Variants in CSTA observed in about 807,000 individuals in gnomAD.
The protein encoded by CSTA is cystatin-A.
Under a neutral mutation model 9.2 loss-of-function variants are expected in CSTA, and 9 were observed. That is an observed-to-expected ratio of 0.97 (90% CI 0.59 to 1.70). CSTA has a LOEUF of 1.70. Ranked by LOEUF, CSTA falls within the 40% of genes most tolerant of loss-of-function variation. The pLI is 0.00. For missense variants in CSTA, 118 were observed against 113.1 expected (o/e 1.04, Z -0.20); for synonymous variants, 36 against 40.6 (o/e 0.89, Z 0.43).
rs2075267104 is a variant in CSTA, at chr3:122,341,743, T to C, written c.*176T>C. On this transcript the variant is annotated 3_prime_UTR_variant, in exon 3 of 3. Coordinates refer to ENST00000264474, the MANE Select transcript of CSTA (RefSeq NM_005213.4). ...TTTTCTTTCTCAAAATCAGTGTTAT[T>C]GCTTTAGAGTATAAACTCCATATAA... 6 of 754,018 alleles carry C rather than the reference T, an allele frequency of 8.0e-6. No individual in the cohort carries two copies. Among genetic ancestry groups the C allele is most frequent in the South Asian group, 3.6e-5 (2 of 54,836 alleles). The allele number at this position is 754,018 out of a possible 1,614,324, so 46.7% of individuals were successfully genotyped here.
intron 1 of CSTA, among the ~76,000 whole-genome samples, chr3:122,337,246 T>C (rs1179725940): frequency 6.6e-6 from 1 of 152,198 alleles, no homozygotes; most frequent in Non-Finnish European, 1.5e-5. Context: ...TAATTATTGC[T>C]CCACTGATTT....
At chr3:122,339,288 A>G (rs746750355) in intron 2 of CSTA, among the ~76,000 whole-genome samples, 5 of 152,212 alleles carry the variant, frequency 3.3e-5, no homozygotes, top group Non-Finnish European at 5.9e-5. Context: ...GTTGTGAGGA[A>G]TAAATAAGCT....
At position 122,325,254 on chromosome 3, in the gene CSTA, G is replaced by C; in HGVS notation, c.-39G>C. The stretch of plus-strand genomic sequence containing the variant: ...TCTCCACACTTCCCTGTTCACTTTG[G>C]TTCCAGCATCCTGTCCAGCAAAGAA... On this transcript the variant is annotated 5_prime_UTR_variant, in exon 1 of 3. Coordinates refer to ENST00000264474, the MANE Select transcript of CSTA (RefSeq NM_005213.4). 6.2e-7 allele frequency: 1 copy of C among 1,604,898 alleles called. No homozygotes were observed. Among genetic ancestry groups the C allele is most frequent in the Non-Finnish European group, 8.5e-7 (1 of 1,172,062 alleles).
rs149431851 is a variant in CSTA, at chr3:122,336,205, A to T, written c.67-1342A>T. Among the ~76,000 whole-genome samples, 173 of 152,320 alleles carry T rather than the reference A, an allele frequency of 1.1e-3. 1 individual carries two copies. Among genetic ancestry groups the T allele is most frequent in the African/African-American group, 3.9e-3 (164 of 41,564 alleles). ...TCTTGGGTCTTAAATACCGTTCTCC[A>T]ATAAAAGGAGCAGGGACTCCTTGGA... is the stretch of plus-strand genomic sequence containing the variant. On this transcript the variant is annotated intron_variant, in intron 1 of 2. Transcript: ENST00000264474.
intron 1 of CSTA, among the ~76,000 whole-genome samples, chr3:122,329,977 T>C (rs997516211): frequency 1.3e-5 from 2 of 152,128 alleles, no homozygotes; most frequent in African/African-American, 4.8e-5. Context: ...TGTTAGAAGG[T>C]AGAGGAAGAG....
At chr3:122,330,748 T>C (rs1003109109) in intron 1 of CSTA, among the ~76,000 whole-genome samples, 22 of 152,118 alleles carry the variant, frequency 1.4e-4, no homozygotes, top group African/African-American at 4.6e-4. Flanking sequence ...CAGAAAACAT[T>C]GATTAGGTAG....
intron 1 of CSTA, among the ~76,000 whole-genome samples, chr3:122,333,118 CT>C (rs1355070671): frequency 6.6e-6 from 1 of 152,216 alleles, no homozygotes; most frequent in African/African-American, 2.4e-5. Context: ...CAAACCAGAT[CT>C]TTTAAATCCC....
chr3:122,339,260 T>C (rs1216230372), intron 2 of CSTA, among the ~76,000 whole-genome samples: 2 of 152,224 alleles, frequency 1.3e-5, no homozygotes, highest in Non-Finnish European at 2.9e-5. Context: ...ATGAGGGTAA[T>C]AATCTACTTC....
intron 2 of CSTA, 173 bp downstream of exon 2, chr3:122,337,821 A>T: frequency 3.1e-6 from 2 of 642,858 alleles, no homozygotes; most frequent in Non-Finnish European, 5.7e-6. Flanking sequence ...ATGTGACACC[A>T]TTTTTTTTCT....
chr3:122,341,689 C>T lies in CSTA; in HGVS notation c.*122C>T. The T allele has an allele frequency of 7.8e-7, 1 of 1,283,956 alleles. No homozygotes were observed. 79.5% of individuals were successfully genotyped at this position (1,283,956 alleles called of 1,614,324 possible). On this transcript the variant is annotated 3_prime_UTR_variant, in exon 3 of 3. Coordinates refer to ENST00000264474, the MANE Select transcript of CSTA (RefSeq NM_005213.4). ...AAAGAAATTATTTCTTCAATTATTT[C>T]TCATTTATTGTATTAAGCAGAAATT...
chr3:122,333,996 T>G (rs2075222853), intron 1 of CSTA, among the ~76,000 whole-genome samples: 1 of 152,234 alleles, frequency 6.6e-6, no homozygotes, highest in Non-Finnish European at 1.5e-5. Flanking sequence ...GCTCCTAACT[T>G]GACTGGTGCC....
chr3:122,331,579 T>C (rs777911335), intron 1 of CSTA, among the ~76,000 whole-genome samples: 7 of 152,116 alleles, frequency 4.6e-5, no homozygotes, highest in Non-Finnish European at 8.8e-5. Flanking sequence ...GCCACCACTT[T>C]CTATGCAGCT....
intron 1 of CSTA, among the ~76,000 whole-genome samples, chr3:122,328,191 T>A (rs1450084281): frequency 6.6e-6 from 1 of 152,154 alleles, no homozygotes; most frequent in Non-Finnish European, 1.5e-5. Flanking sequence ...GAAACCAAGA[T>A]TCAAAGAGAT....
At chr3:122,333,548 A>AAGAGAAAG (rs2075217031) in intron 1 of CSTA, among the ~76,000 whole-genome samples, 1 of 59,654 alleles carries the variant, frequency 1.7e-5, no homozygotes, top group Non-Finnish European at 3.4e-5. Flanking sequence ...AAGAAGAAAG[A>AAGAGAAAG]AAGAAAGAAA....
intron 1 of CSTA, among the ~76,000 whole-genome samples, chr3:122,333,544 A>AAAGAAAGAAAGAAAG (rs2075216894): frequency 2.6e-5 from 1 of 37,906 alleles, no homozygotes; most frequent in South Asian, 4.8e-4. Context: ...AAGAAAGAAG[A>AAAGAAAGAAAGAAAG]AAGAAAGAAA....
intron 2 of CSTA, among the ~76,000 whole-genome samples, chr3:122,338,822 AT>A (rs1236078534): frequency 2.6e-5 from 4 of 152,234 alleles, no homozygotes; most frequent in Non-Finnish European, 5.9e-5. Context: ...AAATGCATAA[AT>A]TTCACATATT....
At chr3:122,335,598 TATTTG>T (rs2075232063) in intron 1 of CSTA, among the ~76,000 whole-genome samples, 1 of 150,986 alleles carries the variant, frequency 6.6e-6, no homozygotes, top group South Asian at 2.1e-4. Flanking sequence ...AGTCCTGTGG[TATTTG>T]ATTTATTTTA....
chr3:122,340,581 G>A (rs1185948063), intron 2 of CSTA, among the ~76,000 whole-genome samples: 3 of 152,218 alleles, frequency 2.0e-5, no homozygotes, highest in Non-Finnish European at 4.4e-5. Context: ...TGGGATTATA[G>A]GCGTGAGCCA....
In CSTA at chr3:122,341,485, G is replaced by T; in HGVS notation, c.215G>T (p.Ser72Ile). Residue 72 changes from serine to isoleucine, a missense_variant, in exon 3 of 3, where the codon AGT becomes ATT. Physicochemically the swap from Ser to Ile is moderately radical, Grantham distance 142 (BLOSUM62 -2). Coordinates refer to ENST00000264474, the MANE Select transcript of CSTA (RefSeq NM_005213.4). Reference protein sequence around the residue: ...NKYMHLKVFKSLPGQNEDLVL... With the variant: ...NKYMHLKVFKILPGQNEDLVL... ...TATATGCACTTGAAAGTATTCAAAA[G>T]TCTTCCCGGACAAAATGAGGACTTG... 6.2e-7 allele frequency: 1 copy of T among 1,614,020 alleles called. No homozygotes were observed. Among genetic ancestry groups the T allele is most frequent in the Non-Finnish European group, 8.5e-7 (1 of 1,179,928 alleles).
Sources: gnomAD v4.1 joint callset for allele counts (sites outside exome capture counted in the v4.1 genomes callset) on GRCh38, gnomAD v4.1.1 for gene constraint, MANE v1.5 for transcripts, NCBI Gene and HGNC (gene_info 2026-07-23, HGNC 2026-07-21) for gene names.